PIWIL2: variants seen among roughly 807,000 people sequenced by gnomAD.
PIWIL2 encodes piwi-like protein 2.
PIWIL2 carries 81 observed loss-of-function variants against 116.5 expected under a neutral mutation model. The observed-to-expected ratio is 0.70, with a 90% CI of 0.58 to 0.84. The LOEUF is 0.84. PIWIL2 is among the 40% of genes least tolerant of loss of function. The probability of loss-of-function intolerance (pLI) is 0.00; values close to 1 mark genes in which losing one functional copy is unlikely to be tolerated. For synonymous variants in PIWIL2, 489 were observed against 429.5 expected, an observed-to-expected ratio of 1.14 and a Z score of -1.71; for missense variants, 1,272 against 1,212.3, an observed-to-expected ratio of 1.05 and a Z score of -0.73.
rs1323185718 is a variant in PIWIL2 at position 22,337,870 on chromosome 8, G to C, written c.2404-15089G>C. Among the ~76,000 whole-genome samples the C allele has an allele frequency of 4.6e-5, 7 of 152,294 alleles. No homozygotes were observed. The East Asian group carries it at 9.6e-4, about 21-fold the overall frequency. ...AGCACTTTGGGAGGCTGAAGCAGGT[G>C]GATCACCTGAGGCTGGAGTTCGAGA... On this transcript the variant is annotated intron_variant, in intron 20 of 22. Transcript: ENST00000356766.
intron 20 of PIWIL2, among the ~76,000 whole-genome samples, chr8:22,351,313 A>G (rs1832347900): frequency 6.7e-6 from 1 of 149,708 alleles, no homozygotes; most frequent in Admixed American, 6.7e-5. Context: ...GTGAGACCTC[A>G]ATTCTTAAAA....
Position 22,354,237 on chromosome 8 carries a change from G to A in PIWIL2, c.2658-34G>A, listed in dbSNP as rs190685003. 883 of 1,385,528 alleles carry A rather than the reference G, an allele frequency of 6.4e-4. 4 individuals carry two copies. In the African/African-American group the frequency reaches 9.5e-3, roughly 15 times the overall value. The allele number at this position is 1,385,528 out of a possible 1,614,324, so 85.8% of individuals were successfully genotyped here. A position where few individuals can be genotyped will look rare whatever the true frequency, so the allele number is the denominator to read the frequency against. ...TTGCCAGCTCTGTCTGGCTGAATCC[G>A]ACCATTTCACTGATTTATGGTTTTC... On this transcript the variant is annotated intron_variant, in intron 21 of 22. Transcript: ENST00000356766.
intron 20 of PIWIL2, among the ~76,000 whole-genome samples, chr8:22,343,738 A>G (rs1229322110): frequency 6.6e-6 from 1 of 152,240 alleles, no homozygotes; most frequent in African/African-American, 2.4e-5. Flanking sequence ...TGGTAATGCC[A>G]AATGCTGGTG....
intron 19 of PIWIL2, 92 bp from the exon 20 acceptor site, chr8:22,318,078 G>T: frequency 1.4e-6 from 1 of 728,136 alleles, no homozygotes; most frequent in Non-Finnish European, 2.4e-6. Flanking sequence ...GATTGGTAGA[G>T]AAACCTGTGT....
At chr8:22,308,701 A>G (rs1226117434) in intron 14 of PIWIL2, among the ~76,000 whole-genome samples, 1 of 152,186 alleles carries the variant, frequency 6.6e-6, no homozygotes, top group East Asian at 1.9e-4. Flanking sequence ...GTACATCCTT[A>G]CAACTGAATC....
chr8:22,291,964 G>T (rs1166037925), intron 10 of PIWIL2, among the ~76,000 whole-genome samples: 3 of 152,200 alleles, frequency 2.0e-5, no homozygotes, highest in Non-Finnish European at 4.4e-5. Flanking sequence ...AGGGGGCGGA[G>T]AATTGCAGTT....
intron 10 of PIWIL2, among the ~76,000 whole-genome samples, chr8:22,297,626 G>A (rs1009594866): frequency 6.6e-6 from 1 of 152,200 alleles, no homozygotes; most frequent in Non-Finnish European, 1.5e-5. Context: ...AAGGACCCCT[G>A]CAGTGGGGAT....
chr8:22,323,731 A>G (rs1010278535), intron 20 of PIWIL2, among the ~76,000 whole-genome samples: 1 of 152,242 alleles, frequency 6.6e-6, no homozygotes, highest in African/African-American at 2.4e-5. Flanking sequence ...ATACTGGCAC[A>G]TTACTAGAGT....
At chr8:22,331,037 G>A (rs893798512) in intron 20 of PIWIL2, among the ~76,000 whole-genome samples, 2 of 152,088 alleles carry the variant, frequency 1.3e-5, no homozygotes, top group Admixed American at 1.3e-4. Context: ...TTAGCCTGGT[G>A]TGGTGGTGGA....
chr8:22,297,953 C>T (rs543121150), intron 10 of PIWIL2, among the ~76,000 whole-genome samples: 1 of 152,084 alleles, frequency 6.6e-6, no homozygotes, highest in Non-Finnish European at 1.5e-5. Context: ...AAAAGCAAAG[C>T]AAGCAAATGA....
At chr8:22,289,609 T>A (rs779791595) in intron 8 of PIWIL2, among the ~76,000 whole-genome samples, 1 of 152,202 alleles carries the variant, frequency 6.6e-6, no homozygotes, top group African/African-American at 2.4e-5. Context: ...CAACTCAGTG[T>A]TTGGTCAGCT....
chr8:22,303,929 T>G, intron 10 of PIWIL2, 92 bp from the exon 11 acceptor site: 1 of 767,144 alleles, frequency 1.3e-6, no homozygotes, highest in Non-Finnish European at 2.1e-6. Context: ...TATATAGCTG[T>G]GATTAGATTC....
chr8:22,351,044 G>A (rs2132111735), intron 20 of PIWIL2, among the ~76,000 whole-genome samples: 1 of 152,146 alleles, frequency 6.6e-6, no homozygotes, highest in Admixed American at 6.5e-5. Flanking sequence ...CCAGCTACTT[G>A]AGAGGCTGAG....
At chr8:22,347,161 C>T (rs566733612) in intron 20 of PIWIL2, among the ~76,000 whole-genome samples, 104 of 140,298 alleles carry the variant, frequency 7.4e-4, no homozygotes, top group African/African-American at 2.6e-3. Flanking sequence ...CAGAGCAAGA[C>T]GTTGTCTCAA....
At chr8:22,318,608 G>T (rs955469645) in intron 20 of PIWIL2, among the ~76,000 whole-genome samples, 19 of 152,146 alleles carry the variant, frequency 1.2e-4, no homozygotes, top group African/African-American at 4.3e-4. Context: ...GTGAGCCACC[G>T]CGCCTGGCCA....
chr8:22,325,472 T>G (rs1831701189), intron 20 of PIWIL2, among the ~76,000 whole-genome samples: 1 of 147,798 alleles, frequency 6.8e-6, no homozygotes, highest in Non-Finnish European at 1.5e-5. Flanking sequence ...CATTATCTTT[T>G]GATTTAGTCT....
intron 10 of PIWIL2, among the ~76,000 whole-genome samples, chr8:22,294,291 T>A (rs1830833344): frequency 7.4e-6 from 1 of 135,706 alleles, no homozygotes; most frequent in Non-Finnish European, 1.5e-5. Context: ...TGAGCCAAGA[T>A]CATGCCATTA....
intron 14 of PIWIL2, 108 bp from the exon 15 acceptor site, chr8:22,309,853 G>A (rs966453255): frequency 1.6e-6 from 1 of 636,400 alleles, no homozygotes; most frequent in Non-Finnish European, 2.9e-6. Flanking sequence ...GTTCTAACAG[G>A]GACAAGTGTC....
At chr8:22,294,644 CAAA>C (rs897494985) in intron 10 of PIWIL2, among the ~76,000 whole-genome samples, 23 of 29,898 alleles carry the variant, frequency 7.7e-4, no homozygotes, top group Admixed American at 4.9e-3. Context: ...GACTCTGTCT[CAAA>C]AAAAAAAAAA....
Sources: allele counts gnomAD v4.1 joint callset (sites outside exome capture counted in the v4.1 genomes callset), GRCh38; gene constraint gnomAD v4.1.1; transcripts MANE v1.5; gene names NCBI Gene and HGNC (gene_info 2026-07-23, HGNC 2026-07-21).